The following FARP2 variants were observed in gnomAD, a reference collection of about 807,000 sequenced individuals.
The protein encoded by FARP2 is FERM, ARHGEF and pleckstrin domain-containing protein 2.
A neutral mutation model predicts 130.5 loss-of-function variants in FARP2; 111 were observed. The ratio of observed to expected loss-of-function variants is 0.85; its 90% CI spans 0.73 to 1.00. The LOEUF is 1.00. FARP2 is among the 50% of genes least tolerant of loss of function. The pLI is 0.00. For synonymous variants in FARP2, 504 were observed against 516.9 expected, an observed-to-expected ratio of 0.98 and a Z score of 0.34; for missense variants, 1,385 against 1,346.3, an observed-to-expected ratio of 1.03 and a Z score of -0.45.
At chr2:241,386,164 C>T (rs1339091686) in intron 2 of FARP2, among the ~76,000 whole-genome samples, 1 of 152,142 alleles carries the variant, frequency 6.6e-6, no homozygotes, top group Admixed American at 6.6e-5. Flanking sequence ...ATGATCATAG[C>T]TCACTGCATC....
chr2:241,395,393 C>T (rs2062005927), intron 2 of FARP2: 1 of 152,196 alleles, frequency 6.6e-6, no homozygotes, highest in South Asian at 2.1e-4. Flanking sequence ...TTCTTCCTTA[C>T]ATTTAGCTAT....
At chr2:241,462,438 C>CA (rs1402845199) in intron 14 of FARP2, 85 bp from the exon 15 acceptor site, 15 of 901,838 alleles carry the variant, frequency 1.7e-5, no homozygotes, top group Non-Finnish European at 2.8e-5. Context: ...CAGAAGAAAG[C>CA]AAACATTACC....
chr2:241,475,846 T>C lies in FARP2; in HGVS notation c.2132-11T>C. The stretch of plus-strand genomic sequence containing the variant: ...GCCTGTACACCTGTACTGAGGGGTC[T>C]CTCCACACAGACGCCCTGAAAGCCA... On this transcript the variant is annotated splice_polypyrimidine_tract_variant and intron_variant, in intron 18 of 26. Coordinates refer to ENST00000264042, the MANE Select transcript of FARP2 (RefSeq NM_014808.4). The surrounding 1 kb of genome is among the most constrained non-coding windows in gnomAD (Gnocchi z 4.4). The C allele has an allele frequency of 6.2e-7, 1 of 1,608,316 alleles. No homozygotes were observed. The highest frequency in any genetic ancestry group is 8.5e-7 in the Non-Finnish European group (1 of 1,177,202).
Position 241,491,112 on chromosome 2 carries a change from A to C in FARP2, c.2556A>C (p.Gln852His), listed in dbSNP as rs1413735634. 1 of 1,613,446 alleles carries C rather than the reference A, an allele frequency of 6.2e-7. No individual in the cohort carries two copies. ...TGCTGGACCTGAACTCCGCGATCCAAGCAGCCAAGAGTGGCGGTGACACGG... is the reference window on the plus strand; with the variant it reads ...TGCTGGACCTGAACTCCGCGATCCACGCAGCCAAGAGTGGCGGTGACACGG... ...KWMLDLNSAI[Q>H]AAKSGGDTAP... Residue 852 changes from glutamine (Q) to histidine (H), a missense_variant, in exon 23 of 27, where the codon CAA becomes CAC. By Grantham distance (24) the Gln-to-His change is conservative. Coordinates refer to ENST00000264042, the MANE Select transcript of FARP2 (RefSeq NM_014808.4).
At chr2:241,489,822 G>T (rs2064849134) in intron 21 of FARP2, 140 bp from the exon 22 acceptor site, 4 of 619,488 alleles carry the variant, frequency 6.5e-6, no homozygotes, top group Non-Finnish European at 1.2e-5. Flanking sequence ...TTGGCCTCTT[G>T]TAGAGTCTGT....
intron 2 of FARP2, among the ~76,000 whole-genome samples, chr2:241,395,104 C>T (rs970309907): frequency 4.6e-5 from 7 of 152,172 alleles, no homozygotes; most frequent in Non-Finnish European, 1.0e-4. Context: ...TTGAGGAAGC[C>T]GAGCCTAAGC....
chr2:241,379,990 C>T (rs925490260), intron 2 of FARP2, among the ~76,000 whole-genome samples: 1 of 152,132 alleles, frequency 6.6e-6, no homozygotes, highest in African/African-American at 2.4e-5. Context: ...TGTTGGCACT[C>T]CCAGAGCCAG....
chr2:241,407,103 C>T (rs1350311590), intron 4 of FARP2, among the ~76,000 whole-genome samples: 1 of 152,348 alleles, frequency 6.6e-6, no homozygotes, highest in African/African-American at 2.4e-5. Context: ...CCACCGCGCC[C>T]AGCCCTACTT....
intron 24 of FARP2, among the ~76,000 whole-genome samples, chr2:241,492,332 G>A (rs2064949423): frequency 2.0e-5 from 3 of 152,178 alleles, no homozygotes; most frequent in Non-Finnish European, 2.9e-5. Context: ...CCTGACCTGG[G>A]CCCACCAGCT....
intron 13 of FARP2, chr2:241,442,789 C>A (rs2063420748): frequency 3.5e-6 from 1 of 286,976 alleles, no homozygotes; most frequent in Admixed American, 4.9e-5. Context: ...ATAAATTAGT[C>A]TTTGTAGTTT....
rs373708534 is a variant in FARP2 at position 241,385,443 on chromosome 2, T to G, written c.183+12153T>G. Among the ~76,000 whole-genome samples, 5 of 152,176 alleles carry G rather than the reference T, an allele frequency of 3.3e-5. No homozygotes were observed. In the East Asian group the frequency reaches 7.7e-4, roughly 23 times the overall value. On this transcript the variant is annotated intron_variant, in intron 2 of 26. Coordinates refer to ENST00000264042, the MANE Select transcript of FARP2 (RefSeq NM_014808.4). The stretch of plus-strand genomic sequence containing the variant: ...ATTCAGTCAATATAAATGAGTAGGA[T>G]GGGCACAGTGGCTCATACCTATAAT...
chr2:241,468,677 G>T (rs2064235628), intron 18 of FARP2, among the ~76,000 whole-genome samples: 1 of 152,204 alleles, frequency 6.6e-6, no homozygotes. Flanking sequence ...TGCCCTGCAG[G>T]AGTCACAGGG....
chr2:241,420,124 C>G (rs985965697), intron 8 of FARP2, among the ~76,000 whole-genome samples: 1 of 152,210 alleles, frequency 6.6e-6, no homozygotes, highest in African/African-American at 2.4e-5. Context: ...GCACTGCAGC[C>G]TGGGCACCTT....
chr2:241,415,189 T>G (rs138208114), intron 7 of FARP2, among the ~76,000 whole-genome samples: 2 of 152,328 alleles, frequency 1.3e-5, no homozygotes, highest in African/African-American at 4.8e-5. Context: ...GAGGCCTCCA[T>G]GCAGGGCAGT....
At chr2:241,357,859 A>G (rs1351614130) in intron 1 of FARP2, among the ~76,000 whole-genome samples, 3 of 152,194 alleles carry the variant, frequency 2.0e-5, no homozygotes, top group Middle Eastern at 3.2e-3. Flanking sequence ...TATAAGGTGT[A>G]TTCATTTCTC....
In FARP2 at chr2:241,491,673, T is replaced by C. The variant is rs758180210; in HGVS notation, c.2781T>C (p.Ala927=). ...TSVSRADHSA[A]VENQLSGYLL... ...TGTCCAGGGCAGACCACAGTGCAGC[T>C]GTCGAGGTACGACCGCATGAGCACC... The change falls in exon 24 of 27, where the codon GCT becomes GCC. Residue 927 remains alanine, a synonymous_variant. Coordinates refer to ENST00000264042, the MANE Select transcript of FARP2 (RefSeq NM_014808.4). The C allele has an allele frequency of 6.2e-6, 10 of 1,600,346 alleles. No homozygotes were observed. In the Admixed American group the frequency reaches 1.5e-4, roughly 24 times the overall value.
At chr2:241,491,372 A>G (rs2124914627) in intron 23 of FARP2, 144 bp from the exon 24 acceptor site, 3 of 918,570 alleles carry the variant, frequency 3.3e-6, no homozygotes, top group Non-Finnish European at 5.0e-6. Flanking sequence ...AAGCACCTGT[A>G]GTTTTGCTCT....
intron 19 of FARP2, among the ~76,000 whole-genome samples, chr2:241,476,796 G>C (rs985304031): frequency 9.2e-5 from 14 of 151,890 alleles, no homozygotes; most frequent in Admixed American, 7.9e-4. Context: ...ATCTTCACAA[G>C]GTTATGTAGC....
chr2:241,469,814 A>G (rs2064261602), intron 18 of FARP2, among the ~76,000 whole-genome samples: 1 of 152,168 alleles, frequency 6.6e-6, no homozygotes, highest in Admixed American at 6.5e-5. Context: ...GGTACATAGG[A>G]CTTTGGAGGG....
Sources: gnomAD v4.1 joint callset for allele counts (sites outside exome capture counted in the v4.1 genomes callset) on GRCh38, gnomAD v4.1.1 for gene constraint, Gnocchi (gnomAD v3.1) non-coding constraint, MANE v1.5 for transcripts, NCBI Gene and HGNC (gene_info 2026-07-23, HGNC 2026-07-21) for gene names.